The following NRXN1 variants were observed in gnomAD, a reference collection of about 807,000 sequenced individuals.
The protein encoded by NRXN1 is neurexin 1.
A neutral mutation model predicts 150.9 loss-of-function variants in NRXN1; 39 were observed. That is an observed-to-expected ratio of 0.26 (90% confidence interval 0.20 to 0.34). NRXN1 has a LOEUF of 0.34. Among genes scored for constraint, NRXN1 ranks in the 10% least tolerant of loss-of-function variants. The pLI is 1.00. For missense variants in NRXN1, 1,815 were observed against 1,949.9 expected (o/e 0.93, Z 1.30); for synonymous variants, 924 against 757.0 (o/e 1.22, Z -3.62).
intron 17 of NRXN1, among the ~76,000 whole-genome samples, chr2:50,249,269 C>CA (rs909521737): frequency 8.6e-5 from 13 of 151,432 alleles, no homozygotes; most frequent in African/African-American, 3.1e-4. Flanking sequence ...TAAAACAAGA[C>CA]AAAAAAATCC....
In NRXN1 at chr2:50,929,020, T is replaced by C. The variant is rs191773196; in HGVS notation, c.773-3065A>G. 4.8e-3 allele frequency among the ~76,000 whole-genome samples: 727 copies of C among 152,164 alleles called. 3 individuals are homozygous for C. Among genetic ancestry groups the C allele is most frequent in the Non-Finnish European group, 7.5e-3 (508 of 67,988 alleles). ...ATAGGATGGGCTTCTCTCACAAAGATGGGAATTAGGCACCAGAATATCAAT... is the reference window on the plus strand; with the variant it reads ...ATAGGATGGGCTTCTCTCACAAAGACGGGAATTAGGCACCAGAATATCAAT... On this transcript the variant is annotated intron_variant, in intron 2 of 22. Transcript: ENST00000401669.
chr2:50,555,886 G>T (rs1290205909), intron 8 of NRXN1, among the ~76,000 whole-genome samples: 1 of 152,064 alleles, frequency 6.6e-6, no homozygotes, highest in African/African-American at 2.4e-5. Context: ...CATTTTGTGG[G>T]GTATAAATTC....
intron 5 of NRXN1, among the ~76,000 whole-genome samples, chr2:50,687,868 T>C (rs1197637573): frequency 6.6e-6 from 1 of 152,076 alleles, no homozygotes; most frequent in Admixed American, 6.6e-5. Flanking sequence ...AGGAATCTGG[T>C]AGGGAAACAC....
At chr2:50,021,715 A>T (rs892763123) in intron 21 of NRXN1, among the ~76,000 whole-genome samples, 2 of 152,184 alleles carry the variant, frequency 1.3e-5, no homozygotes, top group African/African-American at 4.8e-5. Context: ...ATTTTGAAAA[A>T]TTTTTAAAAA....
intron 5 of NRXN1, among the ~76,000 whole-genome samples, chr2:50,801,954 C>T (rs1312611152): frequency 6.6e-6 from 1 of 152,042 alleles, no homozygotes; most frequent in African/African-American, 2.4e-5. Context: ...GTTTTTAAGC[C>T]ATAATATCAC....
At chr2:49,972,716 C>G (rs1253646474) in intron 21 of NRXN1, 1 of 152,160 alleles carries the variant, frequency 6.6e-6, no homozygotes, top group Non-Finnish European at 1.5e-5. Context: ...AATTTCTTCC[C>G]TTTATGAAGC....
At chr2:50,898,824 T>A (rs535394121) in intron 5 of NRXN1, among the ~76,000 whole-genome samples, 1 of 152,138 alleles carries the variant, frequency 6.6e-6, no homozygotes, top group South Asian at 2.1e-4. Context: ...TGGGTTTTTT[T>A]AACCAGAATA....
At chr2:51,024,803 T>C (rs1670168373) in intron 2 of NRXN1, among the ~76,000 whole-genome samples, 1 of 152,180 alleles carries the variant, frequency 6.6e-6, no homozygotes, top group African/African-American at 2.4e-5. Context: ...ATAAACTGAA[T>C]TTGTTTAATA....
At chr2:49,964,073 A>G (rs1441251290) in intron 21 of NRXN1, among the ~76,000 whole-genome samples, 1 of 152,170 alleles carries the variant, frequency 6.6e-6, no homozygotes, top group Non-Finnish European at 1.5e-5. Context: ...CCTGAAGTTC[A>G]GGGAATGCTT....
chr2:50,324,970 C>T lies in NRXN1; in HGVS notation c.3365-88000G>A, dbSNP rs138811439. Among the ~76,000 whole-genome samples, 12 of 152,242 alleles carry T rather than the reference C, an allele frequency of 7.9e-5. No individual in the cohort carries two copies. In the East Asian group the frequency reaches 2.3e-3, roughly 29 times the overall value. ...TGTATTCTTGGACTTTGATGCACTA[C>T]CCAGAATTTCAGGTGGAAAAAGCCC... On this transcript the variant is annotated intron_variant, in intron 17 of 22. Coordinates refer to ENST00000401669, the MANE Select transcript of NRXN1 (RefSeq NM_001330078.2).
At chr2:50,162,545 A>G (rs1189905086) in intron 18 of NRXN1, among the ~76,000 whole-genome samples, 1 of 152,110 alleles carries the variant, frequency 6.6e-6, no homozygotes, top group Non-Finnish European at 1.5e-5. Context: ...CAGAAATGGA[A>G]CCAGAAGATT....
At chr2:50,598,239 C>T (rs559440293) in intron 8 of NRXN1, among the ~76,000 whole-genome samples, 1 of 151,894 alleles carries the variant, frequency 6.6e-6, no homozygotes, top group Non-Finnish European at 1.5e-5. Context: ...TTTTGCCTGC[C>T]CTTATCCAGT....
rs115719609 is a variant in NRXN1 at position 50,533,721 on chromosome 2, C to T, written c.2144-2291G>A. Among the ~76,000 whole-genome samples the T allele has an allele frequency of 9.5e-3, 1,439 of 152,198 alleles. 5 individuals are homozygous for T. Among genetic ancestry groups the T allele is most frequent in the Non-Finnish European group, 0.011 (715 of 67,988 alleles). ...TCTGGCCTCAGCTTTAAGTATGTCC[C>T]GCTTCTTGTTCAGTGAGCTCCAGAT... On this transcript the variant is annotated intron_variant, in intron 10 of 22. Coordinates refer to ENST00000401669, the MANE Select transcript of NRXN1 (RefSeq NM_001330078.2).
At chr2:50,550,586 T>C (rs537006793) in intron 9 of NRXN1, among the ~76,000 whole-genome samples, 3 of 152,020 alleles carry the variant, frequency 2.0e-5, no homozygotes, top group African/African-American at 4.8e-5. Context: ...CTGGCAGAGA[T>C]AGGCTGGAGG....
In NRXN1 at chr2:50,558,714, G is replaced by T. The variant is rs1313537729; in HGVS notation, c.1321-5689C>A. On this transcript the variant is annotated intron_variant, in intron 8 of 22. Coordinates refer to ENST00000401669, the MANE Select transcript of NRXN1 (RefSeq NM_001330078.2). ...TTAAAGGGACTGTTGCTTTAATGCT[G>T]ATTTTTGTTTGTTTATTTGTTTAAA... Among the ~76,000 whole-genome samples the T allele has an allele frequency of 2.0e-5, 3 of 152,296 alleles. No individual in the cohort carries two copies. The East Asian group carries it at 5.8e-4, about 29-fold the overall frequency.
chr2:50,521,620 C>G (rs1388223634), intron 12 of NRXN1, among the ~76,000 whole-genome samples: 1 of 152,172 alleles, frequency 6.6e-6, no homozygotes, highest in Non-Finnish European at 1.5e-5. Flanking sequence ...ATTTAAAGAG[C>G]CTTGCCCACT....
chr2:50,772,359 T>C (rs1574423486), intron 5 of NRXN1, among the ~76,000 whole-genome samples: 1 of 151,752 alleles, frequency 6.6e-6, no homozygotes, highest in East Asian at 1.9e-4. Context: ...TTAGATAATA[T>C]GCCTATGACT....
chr2:50,542,650 A>G (rs2093416650), intron 9 of NRXN1, among the ~76,000 whole-genome samples: 1 of 152,192 alleles, frequency 6.6e-6, no homozygotes, highest in East Asian at 1.9e-4. Flanking sequence ...TTATTTTTAT[A>G]TTTTGAAAAT....
At chr2:49,957,422 C>T (rs1675171528) in intron 21 of NRXN1, among the ~76,000 whole-genome samples, 1 of 152,080 alleles carries the variant, frequency 6.6e-6, no homozygotes, top group Non-Finnish European at 1.5e-5. Context: ...ACATTATTCT[C>T]ACCGCAATAT....
Sources: gnomAD v4.1 joint callset for allele counts (sites outside exome capture counted in the v4.1 genomes callset) on GRCh38, gnomAD v4.1.1 for gene constraint, MANE v1.5 for transcripts, NCBI Gene and HGNC (gene_info 2026-07-23, HGNC 2026-07-21) for gene names.